NLRC3: variants seen among roughly 807,000 people sequenced by gnomAD.
The protein encoded by NLRC3 is NLR family CARD domain containing 3, also known as NLR family CARD domain-containing protein 3.
NLRC3 carries 87 observed loss-of-function variants against 91.6 expected under a neutral mutation model. The ratio of observed to expected loss-of-function variants is 0.95; its 90% CI spans 0.80 to 1.14. The LOEUF is 1.14. Ranked by LOEUF, NLRC3 falls within the 50% of genes most tolerant of loss-of-function variation. The pLI, the probability that NLRC3 is intolerant of heterozygous loss-of-function variation, is 0.00. For missense variants in NLRC3, 1,577 were observed against 1,418.6 expected, an observed-to-expected ratio of 1.11 and a Z score of -1.79; for synonymous variants, 694 against 625.3, an observed-to-expected ratio of 1.11 and a Z score of -1.64.
chr16:3,542,961 C>T (rs1567456638), intron 17 of NLRC3, 186 bp from the exon 18 acceptor site: 1 of 582,116 alleles, frequency 1.7e-6, no homozygotes, highest in Admixed American at 3.1e-5. Flanking sequence ...GCAGGGCACA[C>T]AGGGGCATGG....
intron 9 of NLRC3, among the ~76,000 whole-genome samples, chr16:3,553,961 G>A (rs2039154890): frequency 6.6e-6 from 1 of 150,758 alleles, no homozygotes; most frequent in Admixed American, 6.6e-5. Context: ...TGGCCCGGCT[G>A]GTCTCAAACT....
chr16:3,576,410 G>T (rs111957720), intron 1 of NLRC3, among the ~76,000 whole-genome samples: 44 of 152,306 alleles, frequency 2.9e-4, no homozygotes, highest in African/African-American at 1.0e-3. Flanking sequence ...CTCCTGTGCT[G>T]TCACCTCCAT....
In NLRC3 at chr16:3,563,483, G is replaced by C; in HGVS notation, c.1454C>G (p.Ser485Cys). ...CGTGAGGAAGCCCAGCCTGGGCCAGGATACGCCGCTCTCAGTGAAGAGGTC... is the reference window on the plus strand; with the variant it reads ...CGTGAGGAAGCCCAGCCTGGGCCAGCATACGCCGCTCTCAGTGAAGAGGTC... Reference protein sequence around the residue: ...IFDLFTESGVSWPRLGFLTHF... With the variant: ...IFDLFTESGVCWPRLGFLTHF... Residue 485 changes from serine (S) to cysteine (C), a missense_variant, in exon 5 of 20, where the codon TCC becomes TGC. Ser to Cys is a moderately radical substitution (Grantham distance 112, BLOSUM62 -1). Coordinates refer to ENST00000359128, the MANE Select transcript of NLRC3 (RefSeq NM_178844.4). 1 of 1,590,320 alleles carries C rather than the reference G, an allele frequency of 6.3e-7. No individual in the cohort carries two copies. Among genetic ancestry groups the C allele is most frequent in the Non-Finnish European group, 8.6e-7 (1 of 1,168,930 alleles).
chr16:3,557,772 C>G (rs2039416679), intron 6 of NLRC3, 96 bp from the exon 7 acceptor site: 1 of 766,848 alleles, frequency 1.3e-6, no homozygotes, highest in African/African-American at 1.7e-5. Flanking sequence ...TCTAGGCTCC[C>G]CCACATCATC....
chr16:3,562,493 T>C (rs1040209247), intron 5 of NLRC3, among the ~76,000 whole-genome samples: 6 of 151,904 alleles, frequency 3.9e-5, no homozygotes, highest in Non-Finnish European at 8.8e-5. Flanking sequence ...ACACAAAAAT[T>C]AGCCAGGCAT....
chr16:3,562,620 G>C (rs1235841384), intron 5 of NLRC3, among the ~76,000 whole-genome samples: 1 of 152,032 alleles, frequency 6.6e-6, no homozygotes, highest in East Asian at 1.9e-4. Context: ...CAGCCTGGGC[G>C]ACAGAGCAAG....
At chr16:3,567,847 G>C (rs976536215) in intron 1 of NLRC3, among the ~76,000 whole-genome samples, 1 of 149,692 alleles carries the variant, frequency 6.7e-6, no homozygotes, top group Non-Finnish European at 1.5e-5. Context: ...TGGATTAGCA[G>C]TGGGGAGCCT....
At chr16:3,546,698 C>T (rs111836121) in intron 15 of NLRC3, among the ~76,000 whole-genome samples, 2,469 of 152,228 alleles carry the variant, frequency 0.016, 37 homozygotes, top group Middle Eastern at 0.038. Context: ...ACCCTGCACC[C>T]GAGCAAGATC....
At chr16:3,544,394 C>T (rs976929147) in intron 15 of NLRC3, 65 bp from the exon 16 acceptor site, 22 of 1,147,460 alleles carry the variant, frequency 1.9e-5, no homozygotes, top group African/African-American at 3.0e-5. Flanking sequence ...AAGGCCCTGC[C>T]GCACTTGGAC....
chr16:3,563,725 G>A lies in NLRC3; in HGVS notation c.1212C>T (p.Ala404=), dbSNP rs1167754628. 1.2e-6 allele frequency: 2 copies of A among 1,613,534 alleles called. No homozygotes were observed. Among genetic ancestry groups the A allele is most frequent in the African/African-American group, 1.3e-5 (1 of 75,066 alleles). ...RKMVGTLGRL[A]FHGLLKKKYV... is the part of the protein sequence containing the mutation. ...ATTTCTTCTTGAGCAGCCCATGGAA[G>A]GCCAGACGGCCCAATGTCCCCACCA... The change falls in exon 5 of 20, where the codon GCC becomes GCT. Residue 404 remains alanine, a synonymous_variant. Transcript: ENST00000359128.
chr16:3,557,818 G>A (rs1484830937), intron 6 of NLRC3, 142 bp from the exon 7 acceptor site: 3 of 615,884 alleles, frequency 4.9e-6, no homozygotes, highest in Non-Finnish European at 8.8e-6. Context: ...GGTGACCCCT[G>A]GAGCAGAATG....
At position 3,541,835 on chromosome 16, in the gene NLRC3, A is replaced by G. The variant is rs763490860; in HGVS notation, c.3188T>C (p.Val1063Ala). The G allele has an allele frequency of 1.1e-5, 18 of 1,607,890 alleles. No individual in the cohort carries two copies. The highest frequency in any genetic ancestry group is 1.4e-5 in the Non-Finnish European group (17 of 1,174,900). Residue 1063 changes from valine (V) to alanine (A), a missense_variant, in exon 20 of 20, where the codon GTT becomes GCT. Physicochemically the swap from Val to Ala is moderately conservative, Grantham distance 64. Transcript: ENST00000359128. ...ATCCGTCCACCAGGATCACATTTCA[A>G]CAGTGCACGTGGGAGCATTTGTCTT... ...AIKTNAPTCT[V>A]EM
intron 15 of NLRC3, 96 bp from the exon 16 acceptor site, chr16:3,544,425 C>T: frequency 1.2e-6 from 1 of 808,652 alleles, no homozygotes; most frequent in Non-Finnish European, 2.1e-6. Flanking sequence ...TAACCGACTA[C>T]ACACACCATA....
At chr16:3,575,901 C>T (rs1380280798) in intron 1 of NLRC3, among the ~76,000 whole-genome samples, 3 of 152,222 alleles carry the variant, frequency 2.0e-5, no homozygotes, top group African/African-American at 7.2e-5. Flanking sequence ...CATCCTGCCC[C>T]TGCCCCCTCC....
chr16:3,547,308 G>A (rs1405853815), intron 15 of NLRC3, among the ~76,000 whole-genome samples: 3 of 152,164 alleles, frequency 2.0e-5, no homozygotes, highest in African/African-American at 2.4e-5. Context: ...GCCACGTGTC[G>A]TATGATTCTA....
intron 1 of NLRC3, among the ~76,000 whole-genome samples, chr16:3,567,728 C>A (rs1174294621): frequency 1.5e-5 from 2 of 133,690 alleles, no homozygotes; most frequent in Non-Finnish European, 3.1e-5. Context: ...GCTGAGATCA[C>A]GCCACTGCAC....
In NLRC3 at chr16:3,557,687, A is replaced by G; in HGVS notation, c.2016-11T>C. 2 of 1,598,818 alleles carry G rather than the reference A, an allele frequency of 1.3e-6. No individual in the cohort carries two copies. Among genetic ancestry groups the G allele is most frequent in the Non-Finnish European group, 1.7e-6 (2 of 1,166,778 alleles). On this transcript the variant is annotated splice_polypyrimidine_tract_variant and intron_variant, in intron 6 of 19. Coordinates refer to ENST00000359128, the MANE Select transcript of NLRC3 (RefSeq NM_178844.4). Reference sequence around the variant, plus strand: ...TGGTTCTCCGCCAAGCTGCCCAAGGAAAGGGAGAGGAGTGGTTATTTTAGG... The same window carrying G: ...TGGTTCTCCGCCAAGCTGCCCAAGGGAAGGGAGAGGAGTGGTTATTTTAGG...
At position 3,556,946 on chromosome 16, in the gene NLRC3, G is replaced by T. The variant is rs116349864; in HGVS notation, c.2148C>A (p.Asp716Glu). 2.6e-3 allele frequency: 4,153 copies of T among 1,613,732 alleles called. 92 individuals carry two copies. In the African/African-American group the frequency reaches 0.049, roughly 19 times the overall value. ...IGPQGAKALA[D>E]ALKINRTLTS... Reference sequence around the variant, plus strand: ...TCAGGGTGCGGTTGATCTTCAAAGCGTCTGCCAGCGCCTTGGCCCCTTGTG... The same window carrying T: ...TCAGGGTGCGGTTGATCTTCAAAGCTTCTGCCAGCGCCTTGGCCCCTTGTG... Residue 716 changes from aspartate (D) to glutamate (E), a missense_variant, in exon 8 of 20, where the codon GAC (aspartate) becomes GAA (glutamate). By Grantham distance (45) the Asp-to-Glu change is conservative (BLOSUM62 2). Transcript: ENST00000359128.
In NLRC3 at chr16:3,543,526, C is replaced by G. The variant is rs757975091; in HGVS notation, c.2856-18G>C. The stretch of plus-strand genomic sequence containing the variant: ...CCTGGAGACTGGGGCGGAGAGGGTG[C>G]CGTCAGTGTGAGCCGGCTGGGCCCA... On this transcript the variant is annotated intron_variant, in intron 16 of 19. Transcript: ENST00000359128. The G allele has an allele frequency of 2.5e-6, 4 of 1,599,844 alleles. No individual in the cohort carries two copies. The highest frequency in any genetic ancestry group is 2.6e-6 in the Non-Finnish European group (3 of 1,170,336).
Sources: gnomAD v4.1 joint callset for allele counts (sites outside exome capture counted in the v4.1 genomes callset) on GRCh38, gnomAD v4.1.1 for gene constraint, MANE v1.5 for transcripts, NCBI Gene and HGNC (gene_info 2026-07-23, HGNC 2026-07-21) for gene names.